Variants in ABHD2 observed in about 807,000 individuals in gnomAD.
ABHD2 encodes monoacylglycerol lipase ABHD2.
In ABHD2, 20 loss-of-function variants were observed where a neutral mutation model predicts 48.1. The ratio of observed to expected loss-of-function variants is 0.42; its 90% CI spans 0.29 to 0.60. ABHD2 has a LOEUF of 0.60. Ranked by LOEUF, ABHD2 falls within the 20% of genes least tolerant of loss-of-function variation. ABHD2 has a pLI of 0.24. For missense variants in ABHD2, 405 were observed against 550.9 expected (o/e 0.74, Z 2.65); for synonymous variants, 209 against 214.2 (o/e 0.98, Z 0.21).
At chr15:89,057,405 T>C in the ABHD2 span, among the ~76,000 whole-genome samples, 8 of 152,166 alleles carry the variant, frequency 5.3e-5, no homozygotes, top group South Asian at 2.1e-4. Flanking sequence ...TTTCTGAAGA[T>C]GAGGTAGGGC....
At chr15:89,148,893 A>G (rs867381793) in intron 3 of ABHD2, among the ~76,000 whole-genome samples, 10 of 152,300 alleles carry the variant, frequency 6.6e-5, no homozygotes, top group Middle Eastern at 3.4e-3. Flanking sequence ...AAAATATTCT[A>G]TTGTTTTAGT....
At chr15:89,070,807 G>C in the ABHD2 span, among the ~76,000 whole-genome samples, 4 of 152,108 alleles carry the variant, frequency 2.6e-5, no homozygotes, top group African/African-American at 9.7e-5. Context: ...GACATCATAA[G>C]GGGCCCCCTA....
chr15:89,171,769 G>C (rs1368737676), intron 5 of ABHD2, among the ~76,000 whole-genome samples: 1 of 152,154 alleles, frequency 6.6e-6, no homozygotes, highest in African/African-American at 2.4e-5. Flanking sequence ...TTCTCGCATT[G>C]GTCTGAGCTG....
At chr15:89,161,753 A>T (rs374563490) in intron 5 of ABHD2, among the ~76,000 whole-genome samples, 2 of 152,350 alleles carry the variant, frequency 1.3e-5, no homozygotes, top group East Asian at 1.9e-4. Context: ...TTCATCTGTG[A>T]CTATTTCCAG....
At chr15:89,098,692 G>A (rs948377751) in intron 1 of ABHD2, among the ~76,000 whole-genome samples, 47 of 152,212 alleles carry the variant, frequency 3.1e-4, no homozygotes, top group African/African-American at 9.9e-4. Flanking sequence ...GATGGAAAAT[G>A]CCGAGTAGAT....
the ABHD2 span, among the ~76,000 whole-genome samples, chr15:89,080,200 T>C: frequency 6.6e-6 from 1 of 152,218 alleles, no homozygotes; most frequent in Non-Finnish European, 1.5e-5. Context: ...TGTCTCTGCC[T>C]GAGTTCCCCA....
chr15:89,049,224 C>A, the ABHD2 span, among the ~76,000 whole-genome samples: 1 of 152,206 alleles, frequency 6.6e-6, no homozygotes, highest in Admixed American at 6.5e-5. Context: ...CAGGGACCCA[C>A]TTGAGGAGGC....
chr15:89,090,561 G>A (rs1205922805), intron 1 of ABHD2, among the ~76,000 whole-genome samples: 4 of 143,148 alleles, frequency 2.8e-5, no homozygotes, highest in African/African-American at 1.0e-4. Flanking sequence ...TCCAAGTCAC[G>A]TTGCATTTTA....
rs2050847925 is a variant in ABHD2 at position 89,167,026 on chromosome 15, A to G, written c.539-8786A>G. ...CTTTATTAATAACTGCATCAGAACA[A>G]TACATTCCAGGACCCTCTTGGAGAG... On this transcript the variant is annotated intron_variant, in intron 5 of 10. Transcript: ENST00000352732. This position sits in a 1 kb window ranked among gnomAD's most constrained non-coding sequence, Gnocchi z 5.5. Among the ~76,000 whole-genome samples, 1 of 152,170 alleles carries G rather than the reference A, an allele frequency of 6.6e-6. No individual in the cohort carries two copies. Among genetic ancestry groups the G allele is most frequent in the African/African-American group, 2.4e-5 (1 of 41,442 alleles).
At position 89,201,727 on chromosome 15, in the gene ABHD2, T is replaced by C; in HGVS notation, c.*6304T>C. The C allele has an allele frequency of 6.3e-7, 1 of 1,597,558 alleles. No individual in the cohort carries two copies. Among genetic ancestry groups the C allele is most frequent in the Admixed American group, 1.7e-5 (1 of 59,992 alleles). On this transcript the variant is annotated 3_prime_UTR_variant, in exon 11 of 11. Transcript: ENST00000352732. ...GTGACTACATCTGTGAAGGGGCCTT[T>C]GAATTTGAGGTCTATGGGCGGGTCG...
chr15:89,175,871 C>G lies in ABHD2; in HGVS notation c.598C>G (p.Gln200Glu). Residue 200 changes from glutamine to glutamate, a missense_variant, in exon 6 of 11, where the codon CAG (glutamine) becomes GAG (glutamate). Gln to Glu is a conservative substitution (Grantham distance 29, BLOSUM62 2). Coordinates refer to ENST00000352732, the MANE Select transcript of ABHD2 (RefSeq NM_152924.5). This position sits in a 1 kb window ranked among gnomAD's most constrained non-coding sequence, Gnocchi z 5.7. The part of the protein sequence containing the change: ...NYIKKTYPLT[Q>E]LVVVGFSLGG... Reference sequence around the variant, plus strand: ...CATCAAGAAGACATATCCCCTGACCCAGCTGGTCGTCGTGGGCTTCAGCCT... The same window carrying G: ...CATCAAGAAGACATATCCCCTGACCGAGCTGGTCGTCGTGGGCTTCAGCCT... 6.2e-7 allele frequency: 1 copy of G among 1,614,096 alleles called. No individual in the cohort carries two copies. Among genetic ancestry groups the G allele is most frequent in the Non-Finnish European group, 8.5e-7 (1 of 1,179,996 alleles).
chr15:89,146,023 T>C lies in ABHD2; in HGVS notation c.195-5654T>C, dbSNP rs2050485387. ...TGAGGAGTAGCTGCTGATGGGCATT[T>C]TGTTCACTGGAAAGGACTTGCTGCA... On this transcript the variant is annotated intron_variant, in intron 3 of 10. Coordinates refer to ENST00000352732, the MANE Select transcript of ABHD2 (RefSeq NM_152924.5). This position sits in a 1 kb window ranked among gnomAD's most constrained non-coding sequence, Gnocchi z 4.2. Among the ~76,000 whole-genome samples, 3 of 152,160 alleles carry C rather than the reference T, an allele frequency of 2.0e-5. No individual in the cohort carries two copies. The South Asian group carries it at 6.2e-4, about 32-fold the overall frequency.
intron 6 of ABHD2, among the ~76,000 whole-genome samples, chr15:89,178,873 A>G (rs1170356452): frequency 6.6e-6 from 1 of 152,172 alleles, no homozygotes; most frequent in Non-Finnish European, 1.5e-5. Context: ...GGAGAGAAGC[A>G]TTTTTGGTCT....
In ABHD2 at chr15:89,102,687, G is replaced by C. The variant is rs2049719756; in HGVS notation, c.-106-11038G>C. On this transcript the variant is annotated intron_variant, in intron 1 of 10. Transcript: ENST00000352732. The surrounding 1 kb of genome is among the most constrained non-coding windows in gnomAD (Gnocchi z 4.8). Reference sequence around the variant, plus strand: ...TGCCTCCCAGGAAACTGATGAGGAGGCAAGACGAATGTATTGGGAAAGCCC... The same window carrying C: ...TGCCTCCCAGGAAACTGATGAGGAGCCAAGACGAATGTATTGGGAAAGCCC... The C allele has an allele frequency of 6.6e-6, 1 of 152,262 alleles. No individual in the cohort carries two copies. Among genetic ancestry groups the C allele is most frequent in the South Asian group, 2.1e-4 (1 of 4,830 alleles). The allele number at this position is 152,262 out of a possible 1,614,324, so 9.4% of individuals were successfully genotyped here. A position where few individuals can be genotyped will look rare whatever the true frequency, so the allele number is the denominator to read the frequency against.
chr15:89,201,054 C>A lies in ABHD2; in HGVS notation c.*5631C>A. On this transcript the variant is annotated 3_prime_UTR_variant, in exon 11 of 11. Coordinates refer to ENST00000352732, the MANE Select transcript of ABHD2 (RefSeq NM_152924.5). ...CCGAGATCACGCCTCTGCACTCCAG[C>A]CTGGGCAACAAGAGTGAGACTCCGT... 1.3e-6 allele frequency: 1 copy of A among 748,532 alleles called. No homozygotes were observed. 46.4% of individuals were successfully genotyped at this position (748,532 alleles called of 1,614,324 possible). A position where few individuals can be genotyped will look rare whatever the true frequency, so the allele number is the denominator to read the frequency against.
At chr15:89,077,343 C>A in the ABHD2 span, among the ~76,000 whole-genome samples, 3 of 152,212 alleles carry the variant, frequency 2.0e-5, no homozygotes, top group Non-Finnish European at 4.4e-5. Context: ...GCATAGTATT[C>A]CATTGAATAT....
chr15:89,058,270 T>G, the ABHD2 span, among the ~76,000 whole-genome samples: 1 of 152,092 alleles, frequency 6.6e-6, no homozygotes, highest in African/African-American at 2.4e-5. Flanking sequence ...CACATACGTG[T>G]GGATACTCCA....
At chr15:89,075,960 G>A in the ABHD2 span, among the ~76,000 whole-genome samples, 1 of 152,210 alleles carries the variant, frequency 6.6e-6, no homozygotes, top group African/African-American at 2.4e-5. This position sits in a 1 kb window ranked among gnomAD's most constrained non-coding sequence, Gnocchi z 4.1. Flanking sequence ...CAGTGAGTGG[G>A]GGTCACAGTG....
At chr15:89,187,803 C>T (rs1004460820) in intron 7 of ABHD2, among the ~76,000 whole-genome samples, 4 of 152,190 alleles carry the variant, frequency 2.6e-5, no homozygotes, top group Admixed American at 6.5e-5. Flanking sequence ...CCTTGTTAAG[C>T]AACACAAACA....
Sources: gnomAD v4.1 joint callset for allele counts (sites outside exome capture counted in the v4.1 genomes callset) on GRCh38, gnomAD v4.1.1 for gene constraint, Gnocchi (gnomAD v3.1) non-coding constraint, MANE v1.5 for transcripts, NCBI Gene and HGNC (gene_info 2026-07-23, HGNC 2026-07-21) for gene names.